The following NR2C2 variants were observed in gnomAD, a reference collection of about 807,000 sequenced individuals.
The protein encoded by NR2C2 is nuclear receptor subfamily 2 group C member 2.
In NR2C2, 6 loss-of-function variants were observed where a neutral mutation model predicts 62.9. The observed-to-expected ratio is 0.10, with a 90% CI of 0.05 to 0.19. The LOEUF (loss-of-function observed/expected upper bound fraction) is 0.19, where lower values mean the gene tolerates loss of function less well. Ranked by LOEUF, NR2C2 falls within the 10% of genes least tolerant of loss-of-function variation. The pLI, the probability that NR2C2 is intolerant of heterozygous loss-of-function variation, is 1.00. For synonymous variants in NR2C2, 272 were observed against 273.8 expected (o/e 0.99, Z 0.07); for missense variants, 479 against 762.7 (o/e 0.63, Z 4.38).
chr3:14,950,008 C>A (rs1416544120), intron 1 of NR2C2, among the ~76,000 whole-genome samples: 1 of 152,130 alleles, frequency 6.6e-6, no homozygotes. Flanking sequence ...AATAATAGAG[C>A]CTTCCTTCCT....
At chr3:14,948,177 A>G (rs1307169598) in intron 1 of NR2C2, 2 of 152,120 alleles carry the variant, frequency 1.3e-5, no homozygotes, top group African/African-American at 2.4e-5. Flanking sequence ...GCCCCGCCTT[A>G]TAGTTGGCCC....
intron 1 of NR2C2, among the ~76,000 whole-genome samples, chr3:14,969,376 G>A (rs758557654): frequency 2.6e-5 from 4 of 151,472 alleles, no homozygotes; most frequent in Non-Finnish European, 4.4e-5. Flanking sequence ...CCGAGTAGCT[G>A]GGACTACAGG....
At chr3:15,028,934 C>T (rs2041895517) in intron 8 of NR2C2, among the ~76,000 whole-genome samples, 1 of 152,190 alleles carries the variant, frequency 6.6e-6, no homozygotes, top group African/African-American at 2.4e-5. Flanking sequence ...AACTTCTTTT[C>T]ATTCCCAACC....
At chr3:14,980,207 G>T (rs937582317) in intron 1 of NR2C2, among the ~76,000 whole-genome samples, 6 of 151,954 alleles carry the variant, frequency 3.9e-5, no homozygotes, top group African/African-American at 1.2e-4. Context: ...CTGAAGAGCA[G>T]AGGTGTGATC....
At chr3:15,032,923 C>T (rs1326040672) in intron 10 of NR2C2, among the ~76,000 whole-genome samples, 1 of 152,154 alleles carries the variant, frequency 6.6e-6, no homozygotes, top group East Asian at 1.9e-4. Context: ...TGCCAATTGG[C>T]ACATTGAGTA....
In NR2C2 at chr3:15,030,378, A is replaced by G. The variant is rs1228902067; in HGVS notation, c.1036A>G (p.Ile346Val). Residue 346 changes from isoleucine (I) to valine (V), a missense_variant, in exon 9 of 14, where the codon ATC becomes GTC. Coordinates refer to ENST00000425241, the MANE Select transcript of NR2C2 (RefSeq NM_001291694.2). ...CAGTGGAGGAGGGAGCATCCACGTC[A>G]TCAGCAGAGACCAGTCGACACCCAT... is the stretch of plus-strand genomic sequence containing the variant. ...DTSGGGSIHV[I>V]SRDQSTPIIE... The G allele has an allele frequency of 3.1e-6, 5 of 1,613,654 alleles. 1 individual carries two copies. The highest frequency in any genetic ancestry group is 4.5e-5 in the East Asian group (2 of 44,854).
chr3:14,995,304 A>G (rs1440935479), intron 1 of NR2C2, among the ~76,000 whole-genome samples: 1 of 128,880 alleles, frequency 7.8e-6, no homozygotes, highest in African/African-American at 3.0e-5. Flanking sequence ...ATTTCAGAAC[A>G]TTTTCTTTAC....
intron 2 of NR2C2, among the ~76,000 whole-genome samples, chr3:15,012,259 T>C (rs1395880422): frequency 6.6e-6 from 1 of 151,768 alleles, no homozygotes; most frequent in East Asian, 1.9e-4. Context: ...GGAGTTTCCC[T>C]TTTGTCGCTC....
At chr3:15,028,843 T>C in intron 8 of NR2C2, 124 bp downstream of exon 8, 1 of 1,046,630 alleles carries the variant, frequency 9.6e-7, no homozygotes, top group Non-Finnish European at 1.4e-6. Flanking sequence ...ATTGTTACAA[T>C]GACCCTGCTC....
chr3:15,037,759 G>A lies in NR2C2; in HGVS notation c.1373-241G>A, dbSNP rs143507400. 1.4e-4 allele frequency among the ~76,000 whole-genome samples: 22 copies of A among 152,326 alleles called. 1 individual carries two copies. In the East Asian group the frequency reaches 2.9e-3, roughly 20 times the overall value. On this transcript the variant is annotated intron_variant, in intron 11 of 13. Coordinates refer to ENST00000425241, the MANE Select transcript of NR2C2 (RefSeq NM_001291694.2). ...TACAGGCCAGCTGCCTGGCAGCAGG[G>A]TCAGGGAGAATCACTGGTCTAGGGA...
Position 15,042,814 on chromosome 3 carries a change from A to G in NR2C2, c.1617-20A>G, listed in dbSNP as rs755256664. On this transcript the variant is annotated intron_variant, in intron 13 of 13. Transcript: ENST00000425241. ...AGGGCATCAAACAGTCTCCTTTTCT[A>G]ATGACACTCCCTTTTATAGATTGGC... 5 of 1,609,106 alleles carry G rather than the reference A, an allele frequency of 3.1e-6. No individual in the cohort carries two copies. In the South Asian group the frequency reaches 4.4e-5, roughly 14 times the overall value.
At chr3:15,034,552 A>C (rs2042057504) in intron 10 of NR2C2, 118 bp from the exon 11 acceptor site, 2 of 1,021,042 alleles carry the variant, frequency 2.0e-6, no homozygotes, top group Non-Finnish European at 2.9e-6. Context: ...ATAGCACTTC[A>C]ATAAACACTT....
chr3:14,961,513 C>T (rs1184773107), intron 1 of NR2C2, among the ~76,000 whole-genome samples: 1 of 152,156 alleles, frequency 6.6e-6, no homozygotes, highest in Non-Finnish European at 1.5e-5. Context: ...GGGACCTATA[C>T]AGTCAATAGT....
chr3:14,997,389 A>G (rs2040862796), intron 1 of NR2C2, among the ~76,000 whole-genome samples: 1 of 152,256 alleles, frequency 6.6e-6, no homozygotes, highest in African/African-American at 2.4e-5. Flanking sequence ...AACTGTATCT[A>G]AAACTGGCAG....
At chr3:14,969,927 G>A (rs989340073) in intron 1 of NR2C2, among the ~76,000 whole-genome samples, 12 of 152,210 alleles carry the variant, frequency 7.9e-5, no homozygotes, top group African/African-American at 1.4e-4. Flanking sequence ...TGGCAAGGCC[G>A]TGTCCTCAAG....
intron 4 of NR2C2, among the ~76,000 whole-genome samples, chr3:15,020,010 C>CATGGACATA (rs2041625777): frequency 6.6e-6 from 1 of 152,018 alleles, no homozygotes; most frequent in African/African-American, 2.4e-5. Context: ...CAAATTATGC[C>CATGGACATA]TCATAAATAT....
At position 14,949,430 on chromosome 3, in the gene NR2C2, G is replaced by A. The variant is rs184972791; in HGVS notation, c.-40+1524G>A. Among the ~76,000 whole-genome samples, 229 of 152,310 alleles carry A rather than the reference G, an allele frequency of 1.5e-3. 5 individuals carry two copies. The highest frequency in any genetic ancestry group is 2.1e-4 in the Non-Finnish European group (14 of 68,026). On this transcript the variant is annotated intron_variant, in intron 1 of 13. Transcript: ENST00000425241. Reference sequence around the variant, plus strand: ...AGAACTGGCTGCTTGTGGCTGGAGAGTTGGTTGGAACTAGTAATTGTCCAT... The same window carrying A: ...AGAACTGGCTGCTTGTGGCTGGAGAATTGGTTGGAACTAGTAATTGTCCAT...
At chr3:14,963,303 C>T (rs2039741143) in intron 1 of NR2C2, among the ~76,000 whole-genome samples, 1 of 152,080 alleles carries the variant, frequency 6.6e-6, no homozygotes, top group Non-Finnish European at 1.5e-5. Flanking sequence ...TCAGTATTCC[C>T]ATTTAGTAGG....
intron 1 of NR2C2, among the ~76,000 whole-genome samples, chr3:14,958,936 A>G (rs2039607945): frequency 6.6e-6 from 1 of 152,260 alleles, no homozygotes; most frequent in African/African-American, 2.4e-5. Flanking sequence ...AGATCGTGCC[A>G]CTGCACTCCA....
Sources: allele counts gnomAD v4.1 joint callset (sites outside exome capture counted in the v4.1 genomes callset), GRCh38; gene constraint gnomAD v4.1.1; transcripts MANE v1.5; gene names NCBI Gene and HGNC (gene_info 2026-07-23, HGNC 2026-07-21).